The following PIP5K1C variants were observed in gnomAD, a reference collection of about 807,000 sequenced individuals.
PIP5K1C encodes the protein phosphatidylinositol 4-phosphate 5-kinase type-1 gamma.
In PIP5K1C, 45 loss-of-function variants were observed where a neutral mutation model predicts 80.1. The ratio of observed to expected loss-of-function variants is 0.56; its 90% CI spans 0.44 to 0.72. The LOEUF is 0.72. Among genes scored for constraint, PIP5K1C ranks in the 30% least tolerant of loss-of-function variants. PIP5K1C has a pLI of 0.00. For synonymous variants in PIP5K1C, 498 were observed against 420.1 expected (o/e 1.19, Z -2.27); for missense variants, 753 against 954.6 (o/e 0.79, Z 2.78).
Position 3,637,908 on chromosome 19 carries a change from A to T in PIP5K1C, c.1920+976T>A. ...AGGACGCGCACAAACCAGTCCCAGG[A>T]AAAGGGGTGACGACGTGCGGTGGGT... On this transcript the variant is annotated intron_variant, in intron 16 of 17. Transcript: ENST00000335312. This position sits in a 1 kb window ranked among gnomAD's most constrained non-coding sequence, Gnocchi z 7.0. 6.5e-7 allele frequency: 1 copy of T among 1,535,312 alleles called. No individual in the cohort carries two copies. Among genetic ancestry groups the T allele is most frequent in the East Asian group, 2.4e-5 (1 of 40,900 alleles).
chr19:3,668,573 G>A (rs376900438), intron 1 of PIP5K1C: 6 of 152,406 alleles, frequency 3.9e-5, no homozygotes, highest in African/African-American at 1.2e-4. Context: ...TTAGCCTGGT[G>A]AGGCCCCGTT....
chr19:3,642,496 A>G (rs914401397), intron 14 of PIP5K1C, among the ~76,000 whole-genome samples: 1 of 152,226 alleles, frequency 6.6e-6, no homozygotes, highest in Non-Finnish European at 1.5e-5. Flanking sequence ...TTGTGTCAAA[A>G]TAAAAGGGAA....
At chr19:3,689,135 C>T (rs1346594168) in intron 1 of PIP5K1C, among the ~76,000 whole-genome samples, 2 of 152,152 alleles carry the variant, frequency 1.3e-5, no homozygotes, top group Non-Finnish European at 2.9e-5. Flanking sequence ...CAGTTATTCT[C>T]CCACCTCAGC....
rs1204372653 is a variant in PIP5K1C at position 3,696,619 on chromosome 19, G to C, written c.94+3678C>G. Among the ~76,000 whole-genome samples the C allele has an allele frequency of 1.3e-5, 2 of 151,556 alleles. No individual in the cohort carries two copies. Among genetic ancestry groups the C allele is most frequent in the Non-Finnish European group, 2.9e-5 (2 of 67,860 alleles). On this transcript the variant is annotated intron_variant, in intron 1 of 17. Coordinates refer to ENST00000335312, the MANE Select transcript of PIP5K1C (RefSeq NM_012398.3). This position sits in a 1 kb window ranked among gnomAD's most constrained non-coding sequence, Gnocchi z 4.1. The stretch of plus-strand genomic sequence containing the variant: ...GGGGCATTCCGGGGTGGGGGTGGGG[G>C]GCAGCCGTGCAAAGGCCCCGGGGCA...
chr19:3,664,638 G>C (rs2145497197), intron 3 of PIP5K1C, among the ~76,000 whole-genome samples, 184 bp downstream of exon 3: 1 of 152,376 alleles, frequency 6.6e-6, no homozygotes, highest in South Asian at 2.1e-4. Flanking sequence ...GGCAAGGACA[G>C]CAAACAGTGG....
Position 3,632,961 on chromosome 19 carries a change from C to T in PIP5K1C, c.*206G>A, listed in dbSNP as rs1010107591. Reference sequence around the variant, plus strand: ...CTCGGGAGGGTGGGTCTCACAGGGGCAGGCTGCCGACCGGGGTGCCGGGGC... The same window carrying T: ...CTCGGGAGGGTGGGTCTCACAGGGGTAGGCTGCCGACCGGGGTGCCGGGGC... On this transcript the variant is annotated 3_prime_UTR_variant, in exon 18 of 18. Transcript: ENST00000335312. The T allele has an allele frequency of 1.9e-5, 10 of 531,994 alleles. No individual in the cohort carries two copies. Among genetic ancestry groups the T allele is most frequent in the African/African-American group, 1.8e-4 (9 of 49,886 alleles). 33.0% of individuals were successfully genotyped at this position (531,994 alleles called of 1,614,324 possible). A position where few individuals can be genotyped will look rare whatever the true frequency, so the allele number is the denominator to read the frequency against.
chr19:3,684,694 A>C (rs901759109), intron 1 of PIP5K1C, among the ~76,000 whole-genome samples: 1 of 152,234 alleles, frequency 6.6e-6, no homozygotes, highest in Non-Finnish European at 1.5e-5. Context: ...GGTTTGTTGC[A>C]TAATCCACGA....
In PIP5K1C at chr19:3,648,514, G is replaced by T; in HGVS notation, c.1211+111C>A. 1 of 419,524 alleles carries T rather than the reference G, an allele frequency of 2.4e-6. No homozygotes were observed. The highest frequency in any genetic ancestry group is 4.6e-6 in the Non-Finnish European group (1 of 217,660). 26.0% of individuals were successfully genotyped at this position (419,524 alleles called of 1,614,324 possible). A position where few individuals can be genotyped will look rare whatever the true frequency, so the allele number is the denominator to read the frequency against. ...GGACTGCAGACCCAGGCGCCCACCTGTGGGGCTGCAGACCCGGGCGCCCAC... is the reference window on the plus strand; with the variant it reads ...GGACTGCAGACCCAGGCGCCCACCTTTGGGGCTGCAGACCCGGGCGCCCAC... On this transcript the variant is annotated intron_variant, in intron 9 of 17. Transcript: ENST00000335312. This position sits in a 1 kb window ranked among gnomAD's most constrained non-coding sequence, Gnocchi z 4.3.
At chr19:3,699,642 G>A (rs767491575) in intron 1 of PIP5K1C, among the ~76,000 whole-genome samples, 1 of 152,196 alleles carries the variant, frequency 6.6e-6, no homozygotes, top group Non-Finnish European at 1.5e-5. Flanking sequence ...AGAAGGGAAG[G>A]CCCAGCTGCC....
intron 1 of PIP5K1C, among the ~76,000 whole-genome samples, chr19:3,689,820 C>T (rs2035887483): frequency 6.6e-6 from 1 of 151,996 alleles, no homozygotes. Flanking sequence ...CACACACAAA[C>T]TTGCACACAC....
At chr19:3,654,411 C>T (rs938740802) in intron 6 of PIP5K1C, among the ~76,000 whole-genome samples, 8 of 152,228 alleles carry the variant, frequency 5.3e-5, no homozygotes, top group African/African-American at 1.7e-4. Context: ...GTGAGGGGCG[C>T]GGACTCAGGC....
chr19:3,663,879 C>A (rs1371200169), intron 3 of PIP5K1C, among the ~76,000 whole-genome samples: 2 of 152,204 alleles, frequency 1.3e-5, no homozygotes, highest in Non-Finnish European at 2.9e-5. Flanking sequence ...GGGTGTCTGC[C>A]CGAGACAAAC....
chr19:3,691,593 T>TAACCCGCCTGGCCCGTCCCTTCC (rs372532896), intron 1 of PIP5K1C, among the ~76,000 whole-genome samples: 18,778 of 152,008 alleles, frequency 0.12, 1,608 homozygotes, highest in Admixed American at 0.26. Flanking sequence ...CCAGCCCATC[T>TAACCCGCCTGGCCCGTCCCTTCC]ACCCCGCCTG....
In PIP5K1C at chr19:3,637,948, G is replaced by A. The variant is rs569107109; in HGVS notation, c.1920+936C>T. ...GTGCGGTGGGTAGGGGCACAGGCAC[G>A]CGGCCCGTCCCTCCCTTCTCCAGGG... On this transcript the variant is annotated intron_variant, in intron 16 of 17. Coordinates refer to ENST00000335312, the MANE Select transcript of PIP5K1C (RefSeq NM_012398.3). This position sits in a 1 kb window ranked among gnomAD's most constrained non-coding sequence, Gnocchi z 7.0. 1.1e-4 allele frequency: 165 copies of A among 1,534,694 alleles called. No homozygotes were observed. Among genetic ancestry groups the A allele is most frequent in the Non-Finnish European group, 1.3e-4 (151 of 1,146,542 alleles).
At chr19:3,691,417 G>C (rs572348819) in intron 1 of PIP5K1C, among the ~76,000 whole-genome samples, 1 of 152,146 alleles carries the variant, frequency 6.6e-6, no homozygotes, top group African/African-American at 2.4e-5. Flanking sequence ...ACACTGTGAC[G>C]TGCAGAGCAA....
chr19:3,644,014 G>T, intron 12 of PIP5K1C, 73 bp downstream of exon 12: 1 of 1,538,198 alleles, frequency 6.5e-7, no homozygotes, highest in Non-Finnish European at 8.9e-7. Context: ...GGATGAGGCG[G>T]CACCCCACCC....
At chr19:3,645,355 G>A (rs924222947) in intron 11 of PIP5K1C, among the ~76,000 whole-genome samples, 4 of 152,210 alleles carry the variant, frequency 2.6e-5, no homozygotes, top group Admixed American at 6.5e-5. Flanking sequence ...GGTTGGCCAC[G>A]GGCTGAGGTC....
At chr19:3,675,661 T>C (rs568972965) in intron 1 of PIP5K1C, among the ~76,000 whole-genome samples, 1 of 152,288 alleles carries the variant, frequency 6.6e-6, no homozygotes, top group East Asian at 1.9e-4. Flanking sequence ...TCTCTTGATA[T>C]GAGTGTACCC....
Position 3,648,489 on chromosome 19 carries a change from G to C in PIP5K1C, c.1211+136C>G. 1.2e-6 allele frequency: 1 copy of C among 836,964 alleles called. No homozygotes were observed. The highest frequency in any genetic ancestry group is 2.6e-5 in the East Asian group (1 of 38,588). The allele number at this position is 836,964 out of a possible 1,614,324, so 51.8% of individuals were successfully genotyped here. ...TCCTGGGGGCGCCCATCCACCTGTG[G>C]GACTGCAGACCCAGGCGCCCACCTG... On this transcript the variant is annotated intron_variant, in intron 9 of 17. Transcript: ENST00000335312. This position sits in a 1 kb window ranked among gnomAD's most constrained non-coding sequence, Gnocchi z 4.3.
Sources: allele counts gnomAD v4.1 joint callset (sites outside exome capture counted in the v4.1 genomes callset), GRCh38; gene constraint gnomAD v4.1.1; non-coding constraint Gnocchi (gnomAD v3.1); transcripts MANE v1.5; gene names NCBI Gene and HGNC (gene_info 2026-07-23, HGNC 2026-07-21).